Variants in GPC5 observed in about 807,000 individuals in gnomAD.
GPC5 encodes the protein glypican-5.
Under a neutral mutation model 53.9 loss-of-function variants are expected in GPC5, and 47 were observed. The observed-to-expected ratio is 0.87, with a 90% CI of 0.69 to 1.11. The LOEUF is 1.11. Among genes scored for constraint, GPC5 ranks in the 50% most tolerant of loss-of-function variants. The pLI is 0.00. For synonymous variants in GPC5, 286 were observed against 263.3 expected, an observed-to-expected ratio of 1.09 and a Z score of -0.84; for missense variants, 748 against 713.1, an observed-to-expected ratio of 1.05 and a Z score of -0.56.
intron 6 of GPC5, among the ~76,000 whole-genome samples, chr13:91,973,311 G>A (rs9523461): frequency 0.4 from 61,247 of 151,958 alleles, 14,498 homozygotes; most frequent in East Asian, 0.75. Flanking sequence ...TTGGCTTTCA[G>A]CTCCATCAGC....
At chr13:92,005,104 C>T (rs1021627555) in intron 6 of GPC5, among the ~76,000 whole-genome samples, 3 of 152,122 alleles carry the variant, frequency 2.0e-5, no homozygotes, top group Non-Finnish European at 2.9e-5. Flanking sequence ...ATCCTTCAAT[C>T]CAATCAACTT....
intron 2 of GPC5, among the ~76,000 whole-genome samples, chr13:91,559,846 C>T (rs569377132): frequency 6.6e-6 from 1 of 152,198 alleles, no homozygotes; most frequent in South Asian, 2.1e-4. Context: ...GAAATTTCAG[C>T]ATACTCCAGG....
chr13:91,803,573 A>G (rs1942242613), intron 5 of GPC5, among the ~76,000 whole-genome samples: 1 of 152,166 alleles, frequency 6.6e-6, no homozygotes, highest in Non-Finnish European at 1.5e-5. Context: ...TCAGTGTCCC[A>G]TACACAAGAT....
intron 4 of GPC5, among the ~76,000 whole-genome samples, chr13:91,755,122 A>G (rs999352848): frequency 6.6e-6 from 1 of 152,128 alleles, no homozygotes; most frequent in Non-Finnish European, 1.5e-5. Context: ...TATCATCTCT[A>G]AAACAAACAA....
intron 7 of GPC5, among the ~76,000 whole-genome samples, chr13:92,338,428 G>A (rs2043340090): frequency 6.6e-6 from 1 of 151,998 alleles, no homozygotes; most frequent in Non-Finnish European, 1.5e-5. Context: ...GTACCCAAAT[G>A]AATTCACATG....
rs183611873 is a variant in GPC5, at chr13:92,275,228, T to C, written c.1561+130239T>C. ...TTCATTAAAACCCTACTTTACATAA[T>C]TTTCTTTAAAATACACACAGGCTTC... is the stretch of plus-strand genomic sequence containing the variant. On this transcript the variant is annotated intron_variant, in intron 7 of 7. Coordinates refer to ENST00000377067, the MANE Select transcript of GPC5 (RefSeq NM_004466.6). Among the ~76,000 whole-genome samples the C allele has an allele frequency of 5.7e-3, 861 of 152,242 alleles. 8 individuals are homozygous for C. The highest frequency in any genetic ancestry group is 0.018 in the African/African-American group (765 of 41,548).
intron 7 of GPC5, among the ~76,000 whole-genome samples, chr13:92,712,879 T>C (rs1387681466): frequency 6.6e-6 from 1 of 152,074 alleles, no homozygotes; most frequent in Non-Finnish European, 1.5e-5. Context: ...TGGAAGACCA[T>C]GTGAAGACAG....
intron 2 of GPC5, among the ~76,000 whole-genome samples, chr13:91,577,100 A>G (rs2032166928): frequency 6.6e-6 from 1 of 152,132 alleles, no homozygotes; most frequent in Non-Finnish European, 1.5e-5. Flanking sequence ...AAATACTGTG[A>G]ACAGATTATT....
intron 7 of GPC5, among the ~76,000 whole-genome samples, chr13:92,296,655 AG>A (rs2043036765): frequency 7.2e-5 from 11 of 151,834 alleles, no homozygotes; most frequent in Admixed American, 2.0e-4. Context: ...GCTTGCAGGG[AG>A]GTATGGAGGG....
At chr13:92,532,342 G>A (rs984559277) in intron 7 of GPC5, among the ~76,000 whole-genome samples, 6 of 152,048 alleles carry the variant, frequency 3.9e-5, no homozygotes, top group Middle Eastern at 3.2e-3. Context: ...TATTAAAATC[G>A]TGAAAACAAG....
At chr13:92,096,912 G>A (rs1005642713) in intron 6 of GPC5, among the ~76,000 whole-genome samples, 1 of 152,196 alleles carries the variant, frequency 6.6e-6, no homozygotes, top group Non-Finnish European at 1.5e-5. Flanking sequence ...ACTTTGAGGA[G>A]CATGACATAA....
intron 2 of GPC5, among the ~76,000 whole-genome samples, chr13:91,556,937 C>T (rs1449706376): frequency 6.6e-6 from 1 of 151,936 alleles, no homozygotes; most frequent in Non-Finnish European, 1.5e-5. Context: ...CTCATGTAAC[C>T]AAACACCACC....
At chr13:91,609,918 G>A (rs1199822378) in intron 2 of GPC5, among the ~76,000 whole-genome samples, 2 of 152,112 alleles carry the variant, frequency 1.3e-5, no homozygotes. Context: ...GGGAAGACAT[G>A]GATTGGCCAG....
intron 7 of GPC5, among the ~76,000 whole-genome samples, chr13:92,542,021 G>A (rs1881946557): frequency 6.6e-6 from 1 of 151,684 alleles, no homozygotes; most frequent in Non-Finnish European, 1.5e-5. Context: ...AACTACTTTT[G>A]TTTTATAATA....
At chr13:92,480,052 G>A (rs189165818) in intron 7 of GPC5, among the ~76,000 whole-genome samples, 1 of 152,220 alleles carries the variant, frequency 6.6e-6, no homozygotes, top group African/African-American at 2.4e-5. Context: ...TTTAGGAGGT[G>A]GAGCTGGGAG....
chr13:92,822,665 CTG>C (rs572116250), intron 7 of GPC5, among the ~76,000 whole-genome samples: 57 of 152,214 alleles, frequency 3.7e-4, no homozygotes, highest in African/African-American at 1.3e-3. Context: ...GCGTTTGTCT[CTG>C]TTGTTTCCCA....
chr13:92,196,582 G>A (rs1490862769), intron 7 of GPC5, among the ~76,000 whole-genome samples: 1 of 152,146 alleles, frequency 6.6e-6, no homozygotes, highest in Non-Finnish European at 1.5e-5. Flanking sequence ...TAGTCATGAA[G>A]TCTCAGAGAA....
At chr13:91,707,172 C>T (rs1441722169) in intron 3 of GPC5, among the ~76,000 whole-genome samples, 1 of 151,920 alleles carries the variant, frequency 6.6e-6, no homozygotes, top group Non-Finnish European at 1.5e-5. Flanking sequence ...ATTAACCCAG[C>T]AGAAGATGGG....
rs1566361492 is a variant in GPC5 at position 91,398,687 on chromosome 13, AGTG to A, written c.-358_-356del. The A allele has an allele frequency of 4.0e-5, 9 of 226,638 alleles. 1 individual carries two copies. The East Asian group carries it at 7.2e-4, about 18-fold the overall frequency. 14.0% of individuals were successfully genotyped at this position (226,638 alleles called of 1,614,324 possible). ...CGGCGGCGGCGGCGGCAGTGGCGGC[AGTG>A]GCGGCAGTGGCGGCAGCGGCAGCAG... On this transcript the variant is annotated 5_prime_UTR_variant, in exon 1 of 8. Transcript: ENST00000377067.
Sources: allele counts gnomAD v4.1 joint callset (sites outside exome capture counted in the v4.1 genomes callset), GRCh38; gene constraint gnomAD v4.1.1; transcripts MANE v1.5; gene names NCBI Gene and HGNC (gene_info 2026-07-23, HGNC 2026-07-21).